CALCOCO2: variants seen among roughly 807,000 people sequenced by gnomAD.
CALCOCO2 encodes calcium-binding and coiled-coil domain-containing protein 2.
In CALCOCO2, 42 loss-of-function variants were observed where a neutral mutation model predicts 62.5. The observed-to-expected ratio is 0.67, with a 90% CI of 0.53 to 0.87. The LOEUF (loss-of-function observed/expected upper bound fraction) is 0.87, where lower values mean the gene tolerates loss of function less well. Ranked by LOEUF, CALCOCO2 falls within the 40% of genes least tolerant of loss-of-function variation. CALCOCO2 has a pLI of 0.00. For missense variants in CALCOCO2, 456 were observed against 515.0 expected, an observed-to-expected ratio of 0.89 and a Z score of 1.11; for synonymous variants, 167 against 173.0, an observed-to-expected ratio of 0.97 and a Z score of 0.27.
chr17:48,862,306 T>G lies in CALCOCO2; in HGVS notation c.1173+2T>G. ...CAAGAAAGTTCTTCCCCCAGCCCGG[T>G]AAGTATTTGATTCATGAGAATATTC... On this transcript the variant is annotated splice_donor_variant, in intron 12 of 12. Coordinates refer to ENST00000258947, the MANE Select transcript of CALCOCO2 (RefSeq NM_005831.5). LOFTEE classifies it high-confidence loss of function. The G allele has an allele frequency of 6.3e-7, 1 of 1,581,576 alleles. No homozygotes were observed. Among genetic ancestry groups the G allele is most frequent in the Non-Finnish European group, 8.7e-7 (1 of 1,150,382 alleles).
intron 10 of CALCOCO2, among the ~76,000 whole-genome samples, chr17:48,857,283 C>T (rs2040231144): frequency 6.6e-6 from 1 of 150,942 alleles, no homozygotes; most frequent in Non-Finnish European, 1.5e-5. Context: ...CCGCAACCTC[C>T]ACCTTCCGGG....
chr17:48,850,375 T>C (rs2143628886), intron 5 of CALCOCO2, among the ~76,000 whole-genome samples: 1 of 152,266 alleles, frequency 6.6e-6, no homozygotes, highest in Non-Finnish European at 1.5e-5. Flanking sequence ...GATAATTGCT[T>C]GAACCCGGGA....
chr17:48,833,558 AAAAAG>A (rs1157976222), intron 1 of CALCOCO2, among the ~76,000 whole-genome samples: 1 of 151,666 alleles, frequency 6.6e-6, no homozygotes, highest in Non-Finnish European at 1.5e-5. Context: ...AAAAAAAAAA[AAAAAG>A]AAAGAAAAAA....
intron 1 of CALCOCO2, among the ~76,000 whole-genome samples, chr17:48,836,672 G>C (rs1322178684): frequency 1.3e-5 from 2 of 152,034 alleles, no homozygotes; most frequent in Admixed American, 6.6e-5. Flanking sequence ...TGGGCAGGGA[G>C]GTTTCTCAGC....
intron 1 of CALCOCO2, among the ~76,000 whole-genome samples, chr17:48,835,352 T>C (rs892343884): frequency 6.6e-6 from 1 of 152,186 alleles, no homozygotes; most frequent in African/African-American, 2.4e-5. Context: ...GAGAAGCCAC[T>C]GCTGTTCTCA....
intron 9 of CALCOCO2, among the ~76,000 whole-genome samples, chr17:48,854,564 C>G (rs964505730): frequency 6.7e-6 from 1 of 148,864 alleles, no homozygotes; most frequent in Non-Finnish European, 1.5e-5. Context: ...CGCCACGATG[C>G]CCGGCTAATT....
At chr17:48,838,183 G>T (rs975648026) in intron 1 of CALCOCO2, among the ~76,000 whole-genome samples, 1 of 151,938 alleles carries the variant, frequency 6.6e-6, no homozygotes, top group African/African-American at 2.4e-5. Context: ...GAGCAAGCAG[G>T]GGGTACATGA....
chr17:48,863,093 T>A lies in CALCOCO2; in HGVS notation c.*88T>A, dbSNP rs2040351269. The A allele has an allele frequency of 4.1e-6, 4 of 986,884 alleles. No homozygotes were observed. Among genetic ancestry groups the A allele is most frequent in the Admixed American group, 1.8e-5 (1 of 56,552 alleles). 61.1% of individuals were successfully genotyped at this position (986,884 alleles called of 1,614,324 possible). On this transcript the variant is annotated 3_prime_UTR_variant, in exon 13 of 13. Transcript: ENST00000258947. ...GAGTTATATGAGTCAAGATCCTGCC[T>A]AACCTGAAATTATTAGGGATTTACT...
At chr17:48,853,222 T>A in intron 9 of CALCOCO2, 1 of 497,480 alleles carries the variant, frequency 2.0e-6, no homozygotes. Flanking sequence ...AATAAAGGAA[T>A]ATTGCAAGTT....
chr17:48,845,353 T>C (rs1247445198), intron 2 of CALCOCO2, among the ~76,000 whole-genome samples: 1 of 126,104 alleles, frequency 7.9e-6, no homozygotes, highest in Non-Finnish European at 1.7e-5. Flanking sequence ...GTGTGTGTAT[T>C]GCCTAATTAA....
At chr17:48,847,939 G>T in intron 2 of CALCOCO2, 125 bp from the exon 3 acceptor site, 1 of 623,182 alleles carries the variant, frequency 1.6e-6, no homozygotes, top group Non-Finnish European at 2.8e-6. Context: ...ACAGGCATGA[G>T]CCACTGCACC....
Position 48,849,258 on chromosome 17 carries a change from G to A in CALCOCO2, c.424G>A (p.Val142Met), listed in dbSNP as rs1567754647. 2 of 1,613,748 alleles carry A rather than the reference G, an allele frequency of 1.2e-6. No homozygotes were observed. The highest frequency in any genetic ancestry group is 1.1e-5 in the South Asian group (1 of 91,082). Residue 142 changes from valine (V) to methionine (M), a missense_variant, in exon 5 of 13, where the codon GTG (valine) becomes ATG (methionine). Around this residue, in one of 3 missense-constraint regions of CALCOCO2, gnomAD observed 236 missense variants for 225.3 expected, o/e 1.05. Coordinates refer to ENST00000258947, the MANE Select transcript of CALCOCO2 (RefSeq NM_005831.5). The part of the protein sequence containing the change: ...DILVVTTQGE[V>M]EEIEQHNKEL... ...ATGGAATGTTCTTTTGTAGGGAGAG[G>A]TGGAAGAGATTGAGCAGCACAACAA... is the stretch of plus-strand genomic sequence containing the variant.
chr17:48,860,425 C>G lies in CALCOCO2; in HGVS notation c.1120C>G (p.Leu374Val). The change falls in exon 11 of 13, where the codon CTT becomes GTT. Residue 374 changes from leucine to valine, a missense_variant. Physicochemically the swap from Leu to Val is conservative, Grantham distance 32 (BLOSUM62 1). This residue lies in a region of CALCOCO2 where 172 missense variants were observed against 210.3 expected (regional missense o/e 0.82). Coordinates refer to ENST00000258947, the MANE Select transcript of CALCOCO2 (RefSeq NM_005831.5). The part of the protein sequence containing the change: ...DEGGARQNPG[L>V]AYGNPYSGIQ... ...AGGAGGCGCAAGACAAAATCCAGGA[C>G]TTGCCTATGGAAACCCATATTCTGG... 1 of 1,614,026 alleles carries G rather than the reference C, an allele frequency of 6.2e-7. No individual in the cohort carries two copies.
At chr17:48,853,734 T>C (rs764031423) in intron 9 of CALCOCO2, among the ~76,000 whole-genome samples, 25 of 152,258 alleles carry the variant, frequency 1.6e-4, no homozygotes, top group Non-Finnish European at 3.1e-4. Context: ...AGAAATGTTT[T>C]AGAAAGTAGT....
intron 2 of CALCOCO2, among the ~76,000 whole-genome samples, chr17:48,845,400 TG>T (rs2040037824): frequency 6.7e-6 from 1 of 149,248 alleles, no homozygotes; most frequent in East Asian, 2.0e-4. Flanking sequence ...TGTGTGTGTG[TG>T]TGTGTGTGTG....
intron 10 of CALCOCO2, among the ~76,000 whole-genome samples, chr17:48,857,523 G>A (rs1463797434): frequency 8.7e-5 from 1 of 11,496 alleles, no homozygotes; most frequent in Non-Finnish European, 6.0e-4. Flanking sequence ...TTTTTTTTGA[G>A]ACGGAGTCTC....
intron 1 of CALCOCO2, among the ~76,000 whole-genome samples, chr17:48,836,000 C>T (rs2039885821): frequency 6.6e-6 from 1 of 152,184 alleles, no homozygotes; most frequent in Non-Finnish European, 1.5e-5. Flanking sequence ...ATCCACCCAC[C>T]TCAGCCTCCC....
chr17:48,854,998 G>A (rs1335885641), intron 9 of CALCOCO2, among the ~76,000 whole-genome samples: 1 of 152,146 alleles, frequency 6.6e-6, no homozygotes, highest in Non-Finnish European at 1.5e-5. Context: ...GGCTGCACTG[G>A]TAGGTGACAG....
Position 48,856,152 on chromosome 17 carries a change from C to A in CALCOCO2, c.973C>A (p.Gln325Lys). Residue 325 changes from glutamine to lysine, a missense_variant, in exon 10 of 13, where the codon CAG (glutamine) becomes AAG (lysine). By Grantham distance (53) the Gln-to-Lys change is moderately conservative. Coordinates refer to ENST00000258947, the MANE Select transcript of CALCOCO2 (RefSeq NM_005831.5). ...SENEIICNAL[Q>K]RQKERLEGEN... Reference sequence around the variant, plus strand: ...GAACGAAATTATATGTAATGCTCTGCAGAGACAGAAAGAGAGATTGGAAGG... The same window carrying A: ...GAACGAAATTATATGTAATGCTCTGAAGAGACAGAAAGAGAGATTGGAAGG... The A allele has an allele frequency of 6.2e-7, 1 of 1,602,174 alleles. No individual in the cohort carries two copies.
Sources: gnomAD v4.1 joint callset for allele counts (sites outside exome capture counted in the v4.1 genomes callset) on GRCh38, gnomAD v4.1.1 for gene constraint, gnomAD v4.1.1 regional missense constraint, MANE v1.5 for transcripts, NCBI Gene and HGNC (gene_info 2026-07-23, HGNC 2026-07-21) for gene names.